KDM4C: variants seen among roughly 807,000 people sequenced by gnomAD.
KDM4C encodes lysine demethylase 4C.
KDM4C carries 81 observed loss-of-function variants against 129.3 expected under a neutral mutation model. That is an observed-to-expected ratio of 0.63 (90% CI 0.52 to 0.75). The LOEUF (loss-of-function observed/expected upper bound fraction) is 0.75. Among genes scored for constraint, KDM4C ranks in the 30% least tolerant of loss-of-function variants. The pLI is 0.00. For missense variants in KDM4C, 1,457 were observed against 1,304.0 expected, an observed-to-expected ratio of 1.12 and a Z score of -1.81; for synonymous variants, 573 against 456.1, an observed-to-expected ratio of 1.26 and a Z score of -3.26.
At chr9:6,984,465 T>C in intron 10 of KDM4C, 61 bp downstream of exon 10, 1 of 1,077,488 alleles carries the variant, frequency 9.3e-7, no homozygotes, top group South Asian at 1.4e-5. Context: ...ATCAGATGTC[T>C]TAAATGGATG....
intron 14 of KDM4C, chr9:7,014,326 AT>A (rs1823248067): frequency 4.6e-6 from 1 of 217,838 alleles, no homozygotes. Context: ...TAAAAACTTA[AT>A]TTGAAAGTCT....
intron 1 of KDM4C, among the ~76,000 whole-genome samples, chr9:6,767,570 G>C (rs1253934026): frequency 6.6e-6 from 1 of 152,140 alleles, no homozygotes; most frequent in Non-Finnish European, 1.5e-5. Flanking sequence ...GAGTAGCTGG[G>C]ACTACAGGCA....
At chr9:6,767,627 G>T (rs569788709) in intron 1 of KDM4C, among the ~76,000 whole-genome samples, 2 of 152,018 alleles carry the variant, frequency 1.3e-5, no homozygotes, top group African/African-American at 4.8e-5. Context: ...TACAGATGGG[G>T]TTTTGCCGTT....
intron 18 of KDM4C, among the ~76,000 whole-genome samples, chr9:7,122,265 A>ACACTCTCTCTCTCTCTCT (rs375655422): frequency 6.9e-6 from 1 of 144,822 alleles, no homozygotes; most frequent in Admixed American, 6.9e-5. Flanking sequence ...ACACACACAC[A>ACACTCTCTCTCTCTCTCT]CTCTCTCTCT....
Position 6,805,462 on chromosome 9 carries a change from ATCTT to A in KDM4C, c.145-135_145-132del, listed in dbSNP as rs143425416. On this transcript the variant is annotated intron_variant, in intron 2 of 21. Transcript: ENST00000381309. ...TCATATTGCTTTATTGCAAATATTC[ATCTT>A]TTTTTTTTTTTTTTACACATTTGTC... 6.3e-3 allele frequency: 3,791 copies of A among 598,306 alleles called. 87 individuals are homozygous for A. The African/African-American group carries it at 0.069, about 11-fold the overall frequency. 37.1% of individuals were successfully genotyped at this position (598,306 alleles called of 1,614,324 possible).
At position 6,931,182 on chromosome 9, in the gene KDM4C, A is replaced by G. The variant is rs148649095; in HGVS notation, c.921+37950A>G. On this transcript the variant is annotated intron_variant, in intron 8 of 21. Transcript: ENST00000381309. Reference sequence around the variant, plus strand: ...TCCCTCAGTAACAAGGGCAGCATGCATTGCTGGATACTCCCCTTGTTTTTC... The same window carrying G: ...TCCCTCAGTAACAAGGGCAGCATGCGTTGCTGGATACTCCCCTTGTTTTTC... Among the ~76,000 whole-genome samples, 916 of 151,376 alleles carry G rather than the reference A, an allele frequency of 6.1e-3. 17 individuals carry two copies. The highest frequency in any genetic ancestry group is 0.021 in the African/African-American group (882 of 41,180).
intron 1 of KDM4C, among the ~76,000 whole-genome samples, chr9:6,788,065 GTTC>G (rs1195747366): frequency 6.6e-6 from 1 of 152,128 alleles, no homozygotes; most frequent in African/African-American, 2.4e-5. Context: ...AGCCTAAAAT[GTTC>G]TTCTTCCAGA....
chr9:7,103,553 G>C (rs1036191571), intron 17 of KDM4C, 132 bp from the exon 18 acceptor site: 34 of 688,698 alleles, frequency 4.9e-5, no homozygotes, highest in Non-Finnish European at 8.1e-5. Context: ...CCCCTGGAGG[G>C]GTCAGGACTT....
chr9:6,967,586 C>T (rs1353118872), intron 8 of KDM4C, among the ~76,000 whole-genome samples: 1 of 152,062 alleles, frequency 6.6e-6, no homozygotes, highest in South Asian at 2.1e-4. Context: ...AGGAGTGAAA[C>T]GGGCTTGTAG....
intron 6 of KDM4C, among the ~76,000 whole-genome samples, chr9:6,882,894 G>T (rs903701780): frequency 6.6e-6 from 1 of 151,984 alleles, no homozygotes; most frequent in African/African-American, 2.4e-5. Context: ...GTCATAGCCC[G>T]ATTTGCAGAG....
Position 6,835,226 on chromosome 9 carries a change from A to T in KDM4C, c.436-14281A>T, listed in dbSNP as rs2131356570. 5.5e-6 allele frequency: 5 copies of T among 908,588 alleles called. No homozygotes were observed. In the South Asian group the frequency reaches 6.5e-5, roughly 12 times the overall value. 56.3% of individuals were successfully genotyped at this position (908,588 alleles called of 1,614,324 possible). On this transcript the variant is annotated intron_variant, in intron 4 of 21. Transcript: ENST00000381309. ...GGCAACGAGCAGTTCTGCTGCCCTGAGGCACTCTTCCAGCTTTCCTTCCTG... is the reference window on the plus strand; with the variant it reads ...GGCAACGAGCAGTTCTGCTGCCCTGTGGCACTCTTCCAGCTTTCCTTCCTG...
At chr9:6,732,320 A>G (rs4742254) in intron 1 of KDM4C, among the ~76,000 whole-genome samples, 36,894 of 138,832 alleles carry the variant, frequency 0.27, 5,278 homozygotes, top group East Asian at 0.42. Flanking sequence ...AGCTGAGATC[A>G]TGCCACTGCA....
chr9:7,115,261 G>A (rs935225996), intron 18 of KDM4C, among the ~76,000 whole-genome samples: 1 of 151,912 alleles, frequency 6.6e-6, no homozygotes, highest in Non-Finnish European at 1.5e-5. Flanking sequence ...ATGCTTGCTT[G>A]CTTTTTGCAC....
At position 6,725,632 on chromosome 9, in the gene KDM4C, C is replaced by T. The variant is rs564107561; in HGVS notation, c.49+4635C>T. 1.4e-3 allele frequency among the ~76,000 whole-genome samples: 212 copies of T among 151,724 alleles called. 2 individuals are homozygous for T. Among genetic ancestry groups the T allele is most frequent in the Non-Finnish European group, 2.2e-3 (149 of 67,918 alleles). ...CCTCCCAAGTAGCTGGGATTACAGG[C>T]ACCTGCCACCACATCTGGCTACTTT... On this transcript the variant is annotated intron_variant, in intron 1 of 17. Coordinates refer to the KDM4C transcript ENST00000536108.
intron 4 of KDM4C, among the ~76,000 whole-genome samples, chr9:6,822,984 T>A (rs1212317123): frequency 3.3e-5 from 5 of 152,234 alleles, no homozygotes; most frequent in Non-Finnish European, 7.3e-5. Flanking sequence ...CTGTCCTATT[T>A]TGGGCTGCAT....
chr9:7,167,609 G>A (rs989123267), intron 20 of KDM4C, among the ~76,000 whole-genome samples: 2 of 152,192 alleles, frequency 1.3e-5, no homozygotes, highest in African/African-American at 4.8e-5. Context: ...CATGTGACTG[G>A]CACCTAATTC....
At chr9:6,841,823 T>C (rs1412603419) in intron 4 of KDM4C, among the ~76,000 whole-genome samples, 1 of 152,228 alleles carries the variant, frequency 6.6e-6, no homozygotes, top group Non-Finnish European at 1.5e-5. Context: ...AATGGCTAAG[T>C]TCTAGCAGAC....
At chr9:6,760,486 A>T (rs1451106486) in intron 1 of KDM4C, among the ~76,000 whole-genome samples, 1 of 148,658 alleles carries the variant, frequency 6.7e-6, no homozygotes, top group Non-Finnish European at 1.5e-5. Context: ...TAGGTTAAAC[A>T]TCTGTTGAAT....
At chr9:7,068,062 C>T (rs1027589539) in intron 17 of KDM4C, among the ~76,000 whole-genome samples, 2 of 152,180 alleles carry the variant, frequency 1.3e-5, no homozygotes, top group Non-Finnish European at 1.5e-5. Flanking sequence ...TCCCAAAGTG[C>T]TGGGATTACA....
Sources: allele counts gnomAD v4.1 joint callset (sites outside exome capture counted in the v4.1 genomes callset), GRCh38; gene constraint gnomAD v4.1.1; transcripts MANE v1.5; gene names NCBI Gene and HGNC (gene_info 2026-07-23, HGNC 2026-07-21).